The following EML4 variants were observed in gnomAD, a reference collection of about 807,000 sequenced individuals.
EML4 encodes EMAP like 4.
EML4 carries 72 observed loss-of-function variants against 129.0 expected under a neutral mutation model. That is an observed-to-expected ratio of 0.56 (90% CI 0.46 to 0.68). The LOEUF is 0.68. Among genes scored for constraint, EML4 ranks in the 30% least tolerant of loss-of-function variants. EML4 has a pLI of 0.00. For synonymous variants in EML4, 532 were observed against 405.0 expected (o/e 1.31, Z -3.77); for missense variants, 1,363 against 1,190.6 (o/e 1.14, Z -2.13).
In EML4 at chr2:42,169,407, C is replaced by G. The variant is rs1416251993; in HGVS notation, c.-205C>G. ...AGGCCGGGCAGGCGGCTGAGCGGCG[C>G]GGCTCTCAACGTGACGGGGAAGTGG... On this transcript the variant is annotated 5_prime_UTR_variant, in exon 1 of 23. Transcript: ENST00000318522. 7.1e-6 allele frequency: 3 copies of G among 424,524 alleles called. 1 individual carries two copies. In the South Asian group the frequency reaches 1.2e-4, roughly 17 times the overall value. 26.3% of individuals were successfully genotyped at this position (424,524 alleles called of 1,614,324 possible). A position where few individuals can be genotyped will look rare whatever the true frequency, so the allele number is the denominator to read the frequency against.
Position 42,303,455 on chromosome 2 carries a change from AGCAG to A in EML4, c.1899+11_1899+14del. On this transcript the variant is annotated intron_variant, in intron 16 of 22. Transcript: ENST00000318522. ...GGACCAGGCTGGTAGATGTGAGTGA[AGCAG>A]GATGTGATTATTAACCTCCCCACAG... The A allele has an allele frequency of 6.2e-7, 1 of 1,612,004 alleles. No individual in the cohort carries two copies. The highest frequency in any genetic ancestry group is 1.1e-5 in the South Asian group (1 of 90,678).
intron 1 of EML4, among the ~76,000 whole-genome samples, chr2:42,174,747 T>G (rs999836980): frequency 6.6e-6 from 1 of 152,232 alleles, no homozygotes; most frequent in Non-Finnish European, 1.5e-5. Context: ...TCTCATTTAA[T>G]TTGCATACTA....
intron 13 of EML4, among the ~76,000 whole-genome samples, chr2:42,300,274 T>C (rs1278563061): frequency 6.6e-6 from 1 of 152,224 alleles, no homozygotes; most frequent in East Asian, 1.9e-4. Flanking sequence ...TCCAAAAAGC[T>C]TTACTCTTGC....
At chr2:42,224,986 G>C (rs1419342813) in intron 1 of EML4, among the ~76,000 whole-genome samples, 1 of 151,936 alleles carries the variant, frequency 6.6e-6, no homozygotes, top group Non-Finnish European at 1.5e-5. Flanking sequence ...TAGGTACCTG[G>C]TATAAGTGGA....
chr2:42,226,509 T>G (rs1448013588), intron 1 of EML4, among the ~76,000 whole-genome samples: 1 of 150,908 alleles, frequency 6.6e-6, no homozygotes. Context: ...AATACAAAAT[T>G]AGTTGGGCGT....
In EML4 at chr2:42,330,033, G is replaced by C. The variant is rs747916680; in HGVS notation, c.2772G>C (p.Glu924Asp). The C allele has an allele frequency of 1.9e-6, 3 of 1,613,532 alleles. No individual in the cohort carries two copies. Among genetic ancestry groups the C allele is most frequent in the Admixed American group, 1.7e-5 (1 of 59,928 alleles). ...TAAGCAGTTCTCCCACACTTCTGGA[G>C]AACAGCCTGGAACAAACTGTGGAGC... Reference protein sequence around the residue: ...SRISSSPTLLENSLEQTVEPS... With the variant: ...SRISSSPTLLDNSLEQTVEPS... Residue 924 changes from glutamate (E) to aspartate (D), a missense_variant, in exon 23 of 23, where the codon GAG becomes GAC. Physicochemically the swap from Glu to Asp is conservative, Grantham distance 45. Transcript: ENST00000318522.
intron 2 of EML4, among the ~76,000 whole-genome samples, chr2:42,246,194 A>G (rs1675391510): frequency 6.6e-6 from 1 of 152,198 alleles, no homozygotes; most frequent in Non-Finnish European, 1.5e-5. Flanking sequence ...ACTTTCCAGT[A>G]TTGGGAGTTT....
intron 1 of EML4, among the ~76,000 whole-genome samples, chr2:42,206,987 T>C (rs1198780590): frequency 6.6e-6 from 1 of 152,184 alleles, no homozygotes; most frequent in Non-Finnish European, 1.5e-5. Flanking sequence ...ATTGGCAGTT[T>C]TATAGGGATC....
intron 1 of EML4, among the ~76,000 whole-genome samples, chr2:42,236,185 T>C (rs1030880047): frequency 6.6e-6 from 1 of 152,258 alleles, no homozygotes; most frequent in Admixed American, 6.5e-5. Flanking sequence ...TTTTGAACTT[T>C]ATATAAATTT....
At position 42,183,638 on chromosome 2, in the gene EML4, C is replaced by CT. The variant is rs909812196; in HGVS notation, c.25+14010dup. ...TTTTGCAGGCTTCCATTCTCAGTTC[C>CT]TTTTTTTTAAATCGTTTATATTTAA... is the stretch of plus-strand genomic sequence containing the variant. On this transcript the variant is annotated intron_variant, in intron 1 of 22. Transcript: ENST00000318522. Among the ~76,000 whole-genome samples the CT allele has an allele frequency of 2.0e-5, 3 of 151,758 alleles. No homozygotes were observed. The South Asian group carries it at 6.2e-4, about 32-fold the overall frequency.
At chr2:42,198,778 A>G (rs1394616266) in intron 1 of EML4, among the ~76,000 whole-genome samples, 1 of 152,156 alleles carries the variant, frequency 6.6e-6, no homozygotes, top group Admixed American at 6.5e-5. Flanking sequence ...AGAGACCAAG[A>G]TGGGTTTGAT....
At chr2:42,237,003 A>G (rs1026923283) in intron 1 of EML4, among the ~76,000 whole-genome samples, 2 of 152,146 alleles carry the variant, frequency 1.3e-5, no homozygotes, top group Admixed American at 6.5e-5. Flanking sequence ...TTGACTAACT[A>G]TAGAATTGTT....
intron 6 of EML4, 100 bp downstream of exon 6, chr2:42,264,831 T>C (rs1375984105): frequency 6.3e-6 from 9 of 1,418,958 alleles, no homozygotes; most frequent in African/African-American, 4.3e-5. Context: ...TATCAGTTCA[T>C]AGTAATCAAA....
intron 13 of EML4, among the ~76,000 whole-genome samples, chr2:42,300,380 A>T (rs1668214789): frequency 6.6e-6 from 1 of 152,228 alleles, no homozygotes; most frequent in Non-Finnish European, 1.5e-5. Context: ...TCTCACCCTT[A>T]AAAGGGGGCA....
intron 6 of EML4, chr2:42,265,006 C>T: frequency 6.7e-7 from 1 of 1,482,244 alleles, no homozygotes; most frequent in South Asian, 1.2e-5. Context: ...TCCTGGATCT[C>T]TTATTTGGCT....
At chr2:42,309,204 G>C (rs1398582401) in intron 17 of EML4, among the ~76,000 whole-genome samples, 1 of 151,794 alleles carries the variant, frequency 6.6e-6, no homozygotes, top group African/African-American at 2.4e-5. Context: ...CTAGGAGTTT[G>C]AGACCAACCT....
intron 19 of EML4, among the ~76,000 whole-genome samples, chr2:42,323,771 CAA>C (rs11415234): frequency 7.3e-6 from 1 of 137,546 alleles, no homozygotes. Context: ...CCGTCTCTAC[CAA>C]AAAAAAAAAA....
intron 11 of EML4, among the ~76,000 whole-genome samples, chr2:42,294,407 T>G (rs1572705893): frequency 6.6e-6 from 1 of 152,290 alleles, no homozygotes; most frequent in East Asian, 1.9e-4. Context: ...TCTAAACATT[T>G]TGTTGAGGCT....
intron 19 of EML4, among the ~76,000 whole-genome samples, chr2:42,320,512 G>T (rs1012191768): frequency 6.6e-6 from 1 of 152,124 alleles, no homozygotes; most frequent in Non-Finnish European, 1.5e-5. Flanking sequence ...TAGATGTGAT[G>T]ATGTATGCAA....
Sources: gnomAD v4.1 joint callset for allele counts (sites outside exome capture counted in the v4.1 genomes callset) on GRCh38, gnomAD v4.1.1 for gene constraint, MANE v1.5 for transcripts, NCBI Gene and HGNC (gene_info 2026-07-23, HGNC 2026-07-21) for gene names.